Variants in ATRX observed in about 807,000 individuals in gnomAD.
ATRX encodes the protein chromatin remodeler ATRX.
Under a neutral mutation model 172.6 loss-of-function variants are expected in ATRX, and 12 were observed. The observed-to-expected ratio is 0.07, with a 90% CI of 0.04 to 0.11. The LOEUF is 0.11. Among genes scored for constraint, ATRX ranks in the 10% least tolerant of loss-of-function variants. The probability of loss-of-function intolerance (pLI) is 1.00; values close to 1 mark genes in which losing one functional copy is unlikely to be tolerated. For missense variants in ATRX, 1,368 were observed against 1,767.4 expected (o/e 0.77, Z 4.05); for synonymous variants, 674 against 594.7 (o/e 1.13, Z -1.94).
rs782196743 is a variant in ATRX, at chrX:77,748,203, A to T, written c.21-30960T>A. The stretch of plus-strand genomic sequence containing the variant: ...AACAATATAAGAAAGTTTTCCATGT[A>T]CTGATATATGGAAAGCTTCTCAAGA... On this transcript the variant is annotated intron_variant, in intron 1 of 34. Transcript: ENST00000373344. 6.2e-5 allele frequency among the ~76,000 whole-genome samples: 7 copies of T among 112,248 alleles called. No homozygotes were observed. In the East Asian group the frequency reaches 1.7e-3, roughly 27 times the overall value.
At position 77,506,136 on chromosome X, in the gene ATRX, T is replaced by C; in HGVS notation, c.*2215A>G. On this transcript the variant is annotated 3_prime_UTR_variant, in exon 35 of 35. Transcript: ENST00000373344. ...GCAAAACTGTATTACAAGCAACATT[T>C]TAAATCATCATTTTTAATCCATTGC... The C allele has an allele frequency of 5.8e-6, 1 of 172,486 alleles. No homozygotes were observed. Among genetic ancestry groups the C allele is most frequent in the Non-Finnish European group, 1.1e-5 (1 of 89,445 alleles). 14.2% of individuals were successfully genotyped at this position (172,486 alleles called of 1,213,427 possible).
intron 1 of ATRX, among the ~76,000 whole-genome samples, chrX:77,736,496 C>A (rs1474083081): frequency 2.7e-5 from 3 of 112,132 alleles, no homozygotes; most frequent in Non-Finnish European, 5.6e-5. Context: ...CAGAGAAATG[C>A]AAATCAAAGC....
At chrX:77,768,205 C>G (rs1396772408) in intron 1 of ATRX, among the ~76,000 whole-genome samples, 1 of 111,837 alleles carries the variant, frequency 8.9e-6, no homozygotes, top group Non-Finnish European at 1.9e-5. Context: ...AAGTTATTAT[C>G]GCTTAATGGA....
intron 12 of ATRX, among the ~76,000 whole-genome samples, chrX:77,661,461 G>C (rs1557122593): frequency 3.9e-5 from 3 of 76,896 alleles, no homozygotes; most frequent in African/African-American, 1.1e-4. Context: ...AATAAATACA[G>C]TAATTGAAAA....
At position 77,569,269 on chromosome X, in the gene ATRX, T is replaced by A. The variant is rs186210620; in HGVS notation, c.6326+4981A>T. ...GCTACTAACTATATTACTCTTAAGTTTTAACTAGTATGAGGTATAGGGAGG... is the reference window on the plus strand; with the variant it reads ...GCTACTAACTATATTACTCTTAAGTATTAACTAGTATGAGGTATAGGGAGG... On this transcript the variant is annotated intron_variant, in intron 28 of 34. Coordinates refer to ENST00000373344, the MANE Select transcript of ATRX (RefSeq NM_000489.6). Among the ~76,000 whole-genome samples the A allele has an allele frequency of 3.6e-5, 4 of 111,710 alleles. No individual in the cohort carries two copies. The Admixed American group carries it at 3.8e-4, about 11-fold the overall frequency.
At chrX:77,538,463 C>A (rs146299790) in intron 30 of ATRX, among the ~76,000 whole-genome samples, 2,587 of 110,279 alleles carry the variant, frequency 0.023, 74 homozygotes, top group African/African-American at 0.082. Context: ...ACTAGAGACT[C>A]CAAAAGGTGG....
chrX:77,575,793 T>C, intron 27 of ATRX: 1 of 111,534 alleles, frequency 9.0e-6, no homozygotes, highest in East Asian at 2.8e-4. Context: ...TTGCATAGGG[T>C]TGTTATGAGG....
At chrX:77,720,130 A>G (rs1356844368) in intron 1 of ATRX, among the ~76,000 whole-genome samples, 2 of 112,324 alleles carry the variant, frequency 1.8e-5, no homozygotes, top group African/African-American at 6.5e-5. Flanking sequence ...TTTGAAACCA[A>G]TGAGAACAAA....
At chrX:77,737,073 C>A (rs2074603481) in intron 1 of ATRX, among the ~76,000 whole-genome samples, 1 of 107,125 alleles carries the variant, frequency 9.3e-6, no homozygotes. Context: ...CGAGGGGGGG[C>A]AAGATGTGGT....
rs782621904 is a variant in ATRX at position 77,664,802 on chromosome X, A to G, written c.3810-24T>C. The G allele has an allele frequency of 6.0e-6, 7 of 1,173,749 alleles. No homozygotes were observed. In the South Asian group the frequency reaches 1.3e-4, roughly 22 times the overall value. ...TTCTTGAGAGTAAAAAACAATAAAA[A>G]AAGAACTATATATCTGGGGGTGAAA... On this transcript the variant is annotated intron_variant, in intron 10 of 34. Coordinates refer to ENST00000373344, the MANE Select transcript of ATRX (RefSeq NM_000489.6).
chrX:77,669,222 C>G (rs1351671142), intron 10 of ATRX, among the ~76,000 whole-genome samples: 1 of 111,783 alleles, frequency 8.9e-6, no homozygotes, highest in African/African-American at 3.2e-5. Flanking sequence ...AAATCCCAAT[C>G]TGCTATTAAT....
chrX:77,720,979 C>A (rs184927607), intron 1 of ATRX, among the ~76,000 whole-genome samples: 2 of 111,703 alleles, frequency 1.8e-5, no homozygotes, highest in African/African-American at 6.5e-5. Flanking sequence ...TTATCCACCA[C>A]GATCAAGTCG....
At chrX:77,692,859 G>A (rs1490418110) in intron 6 of ATRX, among the ~76,000 whole-genome samples, 1 of 104,292 alleles carries the variant, frequency 9.6e-6, no homozygotes, top group Non-Finnish European at 2.0e-5. Flanking sequence ...GTGTGTGTGT[G>A]TGTGTGTGTG....
At chrX:77,675,392 G>A (rs183667408) in intron 10 of ATRX, 17 of 111,730 alleles carry the variant, frequency 1.5e-4, no homozygotes, top group Non-Finnish European at 2.8e-4. Context: ...TTAGAAATCA[G>A]ATACCCTTAT....
chrX:77,630,209 C>T (rs921365399), intron 19 of ATRX, among the ~76,000 whole-genome samples: 7 of 111,110 alleles, frequency 6.3e-5, no homozygotes, highest in African/African-American at 2.3e-4. Flanking sequence ...AATTAAAGGA[C>T]CTAAATCAAA....
intron 1 of ATRX, among the ~76,000 whole-genome samples, chrX:77,747,484 A>G (rs1407057483): frequency 9.0e-6 from 1 of 111,540 alleles, no homozygotes; most frequent in Non-Finnish European, 1.9e-5. Flanking sequence ...AGACTGCGCT[A>G]CTGCACTCCA....
At chrX:77,688,249 G>A (rs1167809228) in intron 7 of ATRX, among the ~76,000 whole-genome samples, 1 of 111,446 alleles carries the variant, frequency 9.0e-6, no homozygotes, top group Non-Finnish European at 1.9e-5. Context: ...CACATTTATA[G>A]ATATTTAAAA....
intron 1 of ATRX, among the ~76,000 whole-genome samples, chrX:77,749,913 T>C (rs2075235330): frequency 9.1e-6 from 1 of 110,085 alleles, no homozygotes; most frequent in Non-Finnish European, 1.9e-5. Flanking sequence ...ACAGACATCA[T>C]CAGGACGTGA....
chrX:77,551,899 G>A (rs782168195), intron 30 of ATRX, among the ~76,000 whole-genome samples: 75 of 112,004 alleles, frequency 6.7e-4, no homozygotes, highest in African/African-American at 2.4e-3. Flanking sequence ...TCAGACAAAT[G>A]CAAATCAAAA....
Sources: gnomAD v4.1 joint callset for allele counts (sites outside exome capture counted in the v4.1 genomes callset) on GRCh38, gnomAD v4.1.1 for gene constraint, MANE v1.5 for transcripts, NCBI Gene and HGNC (gene_info 2026-07-23, HGNC 2026-07-21) for gene names.